The following MACROD2 variants were observed in gnomAD, a reference collection of about 807,000 sequenced individuals.
MACROD2 encodes the protein mono-ADP ribosylhydrolase 2.
MACROD2 carries 36 observed loss-of-function variants against 70.4 expected under a neutral mutation model. The observed-to-expected ratio is 0.51, with a 90% CI of 0.39 to 0.68. The LOEUF (loss-of-function observed/expected upper bound fraction) is 0.68, where lower values mean the gene tolerates loss of function less well. MACROD2 is among the 30% of genes least tolerant of loss of function. The pLI, the probability that MACROD2 is intolerant of heterozygous loss-of-function variation, is 0.00. For missense variants in MACROD2, 496 were observed against 538.4 expected, an observed-to-expected ratio of 0.92 and a Z score of 0.78; for synonymous variants, 172 against 178.8, an observed-to-expected ratio of 0.96 and a Z score of 0.30.
At chr20:14,135,951 C>A (rs1385404845) in intron 3 of MACROD2, among the ~76,000 whole-genome samples, 2 of 152,118 alleles carry the variant, frequency 1.3e-5, no homozygotes, top group Non-Finnish European at 2.9e-5. Flanking sequence ...TGTCCATGCT[C>A]ACCATTTCAA....
intron 6 of MACROD2, among the ~76,000 whole-genome samples, chr20:15,420,840 C>T (rs1156910364): frequency 1.3e-5 from 2 of 152,098 alleles, no homozygotes; most frequent in East Asian, 1.9e-4. Context: ...AATCCCAGCA[C>T]TTTGGCAGGC....
At chr20:14,670,180 G>T (rs1445387291) in intron 4 of MACROD2, among the ~76,000 whole-genome samples, 1 of 151,944 alleles carries the variant, frequency 6.6e-6, no homozygotes, top group Non-Finnish European at 1.5e-5. Flanking sequence ...TATATCCTTT[G>T]CCTGAAAATC....
At chr20:14,599,532 A>G (rs780595730) in intron 4 of MACROD2, among the ~76,000 whole-genome samples, 6 of 152,152 alleles carry the variant, frequency 3.9e-5, no homozygotes, top group Admixed American at 2.0e-4. Context: ...TAAGAGGGAG[A>G]TAATGCTGGA....
intron 10 of MACROD2, among the ~76,000 whole-genome samples, chr20:15,932,128 G>A (rs544810619): frequency 7.9e-5 from 12 of 152,160 alleles, no homozygotes; most frequent in African/African-American, 2.9e-4. Flanking sequence ...GCTGCATTTG[G>A]TTGGCAGCTG....
intron 2 of MACROD2, among the ~76,000 whole-genome samples, chr20:14,048,764 C>A (rs969061691): frequency 6.6e-6 from 1 of 151,942 alleles, no homozygotes; most frequent in Non-Finnish European, 1.5e-5. Context: ...TGAACAAAAA[C>A]AAACCAAAAC....
chr20:14,750,490 C>T (rs2071855840), intron 5 of MACROD2, among the ~76,000 whole-genome samples: 1 of 152,110 alleles, frequency 6.6e-6, no homozygotes, highest in Non-Finnish European at 1.5e-5. Flanking sequence ...GAGACAGGAT[C>T]TCACTTTGTC....
intron 4 of MACROD2, among the ~76,000 whole-genome samples, chr20:14,676,118 T>C (rs2070857934): frequency 1.3e-5 from 2 of 152,152 alleles, no homozygotes; most frequent in South Asian, 4.1e-4. Context: ...AACACCCCAC[T>C]GTCAATATTA....
At chr20:14,893,369 T>C (rs1296199037) in intron 5 of MACROD2, 1 of 152,092 alleles carries the variant, frequency 6.6e-6, no homozygotes, top group Non-Finnish European at 1.5e-5. Flanking sequence ...TTTGAGGAAA[T>C]TTAATACTGT....
intron 3 of MACROD2, among the ~76,000 whole-genome samples, chr20:14,332,334 A>C (rs1335300454): frequency 2.0e-5 from 3 of 152,134 alleles, no homozygotes; most frequent in African/African-American, 7.2e-5. Context: ...GTTGTATCTG[A>C]ATAGAAAACT....
intron 5 of MACROD2, among the ~76,000 whole-genome samples, chr20:14,817,916 T>G (rs1479149691): frequency 6.6e-6 from 1 of 152,050 alleles, no homozygotes; most frequent in Non-Finnish European, 1.5e-5. Context: ...ACTGAGCCAA[T>G]GAGAGGCGAT....
At chr20:15,821,660 A>G (rs142321905) in intron 8 of MACROD2, among the ~76,000 whole-genome samples, 5 of 152,310 alleles carry the variant, frequency 3.3e-5, no homozygotes, top group Non-Finnish European at 4.4e-5. Context: ...TTGACCATGT[A>G]CACGCATCTT....
intron 8 of MACROD2, among the ~76,000 whole-genome samples, chr20:15,600,776 A>G (rs2048808826): frequency 6.6e-6 from 1 of 152,228 alleles, no homozygotes; most frequent in Non-Finnish European, 1.5e-5. Flanking sequence ...ATATGCTGAT[A>G]TCTGCAGAAA....
At chr20:15,516,547 G>A (rs1273979273) in intron 8 of MACROD2, among the ~76,000 whole-genome samples, 1 of 152,144 alleles carries the variant, frequency 6.6e-6, no homozygotes, top group Non-Finnish European at 1.5e-5. Flanking sequence ...AGGGCAGTGC[G>A]GGTGCTGGGC....
At chr20:14,021,310 C>T (rs2053076632) in intron 2 of MACROD2, among the ~76,000 whole-genome samples, 1 of 152,158 alleles carries the variant, frequency 6.6e-6, no homozygotes, top group African/African-American at 2.4e-5. Context: ...TCTTATTTCC[C>T]AAAGAGCCTC....
intron 3 of MACROD2, among the ~76,000 whole-genome samples, chr20:14,183,508 A>G (rs2081321074): frequency 6.6e-6 from 1 of 152,130 alleles, no homozygotes; most frequent in Admixed American, 6.6e-5. Context: ...ATGTGTCTTT[A>G]TAATAGAAAG....
chr20:14,333,892 C>T (rs936105047), intron 3 of MACROD2, among the ~76,000 whole-genome samples: 1 of 152,148 alleles, frequency 6.6e-6, no homozygotes, highest in Non-Finnish European at 1.5e-5. Flanking sequence ...TGGTTTTTAA[C>T]CAAATGTGGT....
At chr20:14,339,561 TAAAC>T (rs1278442785) in intron 3 of MACROD2, among the ~76,000 whole-genome samples, 1 of 152,184 alleles carries the variant, frequency 6.6e-6, no homozygotes, top group Non-Finnish European at 1.5e-5. Flanking sequence ...AGGCAGGCCT[TAAAC>T]AGAAAAGAAA....
At chr20:15,181,992 G>T (rs906914152) in intron 5 of MACROD2, among the ~76,000 whole-genome samples, 4 of 151,282 alleles carry the variant, frequency 2.6e-5, no homozygotes, top group African/African-American at 7.3e-5. Flanking sequence ...AAAAACTTAT[G>T]ACAAAATAGG....
At chr20:15,445,212 A>G (rs2046546392) in intron 7 of MACROD2, among the ~76,000 whole-genome samples, 1 of 152,168 alleles carries the variant, frequency 6.6e-6, no homozygotes, top group South Asian at 2.1e-4. Flanking sequence ...TGCTGCTTTT[A>G]TGAAATCCAG....
Sources: gnomAD v4.1 joint callset for allele counts (sites outside exome capture counted in the v4.1 genomes callset) on GRCh38, gnomAD v4.1.1 for gene constraint, MANE v1.5 for transcripts, NCBI Gene and HGNC (gene_info 2026-07-23, HGNC 2026-07-21) for gene names.